Variants in PRUNE2 observed in about 807,000 individuals in gnomAD.
The protein encoded by PRUNE2 is protein prune homolog 2.
Under a neutral mutation model 252.0 loss-of-function variants are expected in PRUNE2, and 164 were observed. That is an observed-to-expected ratio of 0.65 (90% CI 0.57 to 0.74). The LOEUF is 0.74. Ranked by LOEUF, PRUNE2 falls within the 30% of genes least tolerant of loss-of-function variation. The probability of loss-of-function intolerance (pLI) is 0.00; values close to 1 mark genes in which losing one functional copy is unlikely to be tolerated. For synonymous variants in PRUNE2, 1,292 were observed against 1,350.2 expected (o/e 0.96, Z 0.94); for missense variants, 3,495 against 3,711.0 (o/e 0.94, Z 1.51).
At chr9:76,784,964 T>C (rs973425901) in intron 6 of PRUNE2, 1 of 152,204 alleles carries the variant, frequency 6.6e-6, no homozygotes, top group African/African-American at 2.4e-5. Flanking sequence ...GCTATGGGAA[T>C]TTAATTACAT....
At chr9:76,658,810 A>C (rs1030625148) in intron 9 of PRUNE2, among the ~76,000 whole-genome samples, 1 of 152,196 alleles carries the variant, frequency 6.6e-6, no homozygotes, top group Admixed American at 6.5e-5. Flanking sequence ...TCTTTGCTGG[A>C]TGGTACTGTG....
rs2046386883 is a variant in PRUNE2, at chr9:76,707,388, ACTGAGTCATT to A, written c.4876_4885del (p.Asn1626LeufsTer29). The stretch of plus-strand genomic sequence containing the variant: ...TAAAGAGGAAAAGGAATCACCATCA[ACTGAGTCATT>A]CCAGATCTCTAAAAATGTAGGAGTT... On this transcript the variant is annotated frameshift_variant, in exon 8 of 19. Coordinates refer to ENST00000376718, the MANE Select transcript of PRUNE2 (RefSeq NM_015225.3). LOFTEE classifies it high-confidence loss of function. 1 of 1,613,776 alleles carries A rather than the reference ACTGAGTCATT, an allele frequency of 6.2e-7. No homozygotes were observed. Among genetic ancestry groups the A allele is most frequent in the African/African-American group, 1.3e-5 (1 of 74,940 alleles).
intron 6 of PRUNE2, among the ~76,000 whole-genome samples, chr9:76,763,388 A>C (rs1320526988): frequency 6.6e-6 from 1 of 152,188 alleles, no homozygotes; most frequent in Non-Finnish European, 1.5e-5. Flanking sequence ...AAGTGTAGTC[A>C]TCTAAGTGAG....
chr9:76,614,236 CA>C lies in PRUNE2; in HGVS notation c.*333del. On this transcript the variant is annotated 3_prime_UTR_variant, in exon 19 of 19. Coordinates refer to ENST00000376718, the MANE Select transcript of PRUNE2 (RefSeq NM_015225.3). Reference sequence around the variant, plus strand: ...TGGAAACAAATCCACTCATACTTAACAGTGGATTAAAGGTATCTTACTGGTA... The same window carrying C: ...TGGAAACAAATCCACTCATACTTAACGTGGATTAAAGGTATCTTACTGGTA... The C allele has an allele frequency of 3.2e-6, 1 of 314,384 alleles. No individual in the cohort carries two copies. Among genetic ancestry groups the C allele is most frequent in the South Asian group, 4.5e-5 (1 of 22,308 alleles). 19.5% of individuals were successfully genotyped at this position (314,384 alleles called of 1,614,324 possible). A position where few individuals can be genotyped will look rare whatever the true frequency, so the allele number is the denominator to read the frequency against.
In PRUNE2 at chr9:76,709,313, G is replaced by T; in HGVS notation, c.2961C>A (p.His987Gln). 6.2e-7 allele frequency: 1 copy of T among 1,613,984 alleles called. No individual in the cohort carries two copies. Among genetic ancestry groups the T allele is most frequent in the Non-Finnish European group, 8.5e-7 (1 of 1,179,860 alleles). Residue 987 changes from histidine to glutamine, a missense_variant, in exon 8 of 19, where the codon CAC becomes CAA. Physicochemically the swap from His to Gln is conservative, Grantham distance 24 (BLOSUM62 0). Coordinates refer to ENST00000376718, the MANE Select transcript of PRUNE2 (RefSeq NM_015225.3). ...TFAGDEKETE[H>Q]KPFAKEEGFE... The stretch of plus-strand genomic sequence containing the variant: ...AACCTTCCTCTTTAGCAAATGGCTT[G>T]TGTTCAGTTTCCTTTTCGTCTCCAG...
chr9:76,831,665 C>A (rs1256595014), intron 4 of PRUNE2, among the ~76,000 whole-genome samples: 1 of 151,602 alleles, frequency 6.6e-6, no homozygotes, highest in Non-Finnish European at 1.5e-5. Context: ...AAAAGAATAT[C>A]AAAAACACTT....
At chr9:76,858,611 G>A (rs2060384056) in intron 1 of PRUNE2, among the ~76,000 whole-genome samples, 1 of 152,030 alleles carries the variant, frequency 6.6e-6, no homozygotes, top group Admixed American at 6.6e-5. Context: ...CCTGTCAAGG[G>A]GTCGAAAGCA....
chr9:76,818,631 G>C (rs113348966), intron 6 of PRUNE2, among the ~76,000 whole-genome samples: 2,329 of 152,088 alleles, frequency 0.015, 54 homozygotes, highest in African/African-American at 0.051. Context: ...AAACGGCCCT[G>C]AACAATTCCC....
At chr9:76,880,949 A>G (rs2061739673) in intron 1 of PRUNE2, among the ~76,000 whole-genome samples, 1 of 150,412 alleles carries the variant, frequency 6.6e-6, no homozygotes, top group Non-Finnish European at 1.5e-5. Context: ...GCTCTGGGAC[A>G]TCCTTGTTAA....
At chr9:76,896,646 C>A (rs979915770) in intron 1 of PRUNE2, among the ~76,000 whole-genome samples, 12 of 152,090 alleles carry the variant, frequency 7.9e-5, no homozygotes, top group African/African-American at 2.9e-4. Context: ...CTGTGTGTAT[C>A]GTGAGCATAA....
chr9:76,842,161 A>G (rs1218819862), intron 4 of PRUNE2, among the ~76,000 whole-genome samples: 2 of 152,204 alleles, frequency 1.3e-5, no homozygotes, highest in Non-Finnish European at 2.9e-5. Context: ...AATGGAACAG[A>G]ACAGAGCCCT....
intron 6 of PRUNE2, among the ~76,000 whole-genome samples, chr9:76,802,007 A>G (rs946236377): frequency 2.6e-5 from 4 of 152,212 alleles, no homozygotes; most frequent in Non-Finnish European, 4.4e-5. Context: ...TGGGGTAAAT[A>G]CACCCACAGG....
intron 6 of PRUNE2, among the ~76,000 whole-genome samples, chr9:76,714,005 T>A (rs1471356537): frequency 6.6e-6 from 1 of 152,104 alleles, no homozygotes; most frequent in Non-Finnish European, 1.5e-5. Flanking sequence ...CTAAAATATT[T>A]ATTCAGATGC....
chr9:76,711,414 T>C (rs1174735592), intron 7 of PRUNE2, 56 bp from the exon 8 acceptor site: 4 of 1,094,950 alleles, frequency 3.7e-6, no homozygotes, highest in Non-Finnish European at 5.2e-6. Flanking sequence ...CACTTTGCAA[T>C]TGCACTTTGC....
Position 76,705,221 on chromosome 9 carries a change from A to G in PRUNE2, c.7053T>C (p.Asp2351=). 7 of 1,613,970 alleles carry G rather than the reference A, an allele frequency of 4.3e-6. No homozygotes were observed. The highest frequency in any genetic ancestry group is 3.3e-4 in the Middle Eastern group (2 of 6,062). The change falls in exon 8 of 19, where the codon GAT becomes GAC. Residue 2351 remains aspartate, a synonymous_variant. Transcript: ENST00000376718. ...TCTGGCCCATTACATCATATTCAAA[A>G]TCACCCCACGAGGCTTCAGATGAGC... ...DICSSEASWG[D]FEYDVMGQNI...
chr9:76,808,553 C>T (rs1364276917), intron 6 of PRUNE2: 1 of 152,318 alleles, frequency 6.6e-6, no homozygotes, highest in Non-Finnish European at 1.5e-5. Flanking sequence ...GATACTCAAA[C>T]ATTATTCTTG....
intron 6 of PRUNE2, chr9:76,823,429 G>C (rs2058149390): frequency 3.8e-6 from 2 of 522,382 alleles, no homozygotes; most frequent in Non-Finnish European, 6.9e-6. Context: ...CATTCATCTT[G>C]AGAATCCAGG....
intron 15 of PRUNE2, among the ~76,000 whole-genome samples, chr9:76,634,123 C>T (rs1354009927): frequency 6.6e-6 from 1 of 151,990 alleles, no homozygotes; most frequent in African/African-American, 2.4e-5. Context: ...AAACAAAAAA[C>T]AAACAAAAAA....
intron 1 of PRUNE2, among the ~76,000 whole-genome samples, chr9:76,884,214 C>T (rs1375192634): frequency 6.6e-6 from 1 of 152,142 alleles, no homozygotes; most frequent in African/African-American, 2.4e-5. Flanking sequence ...CTGTTCCATC[C>T]CTGGTTTCAC....
Sources: allele counts gnomAD v4.1 joint callset (sites outside exome capture counted in the v4.1 genomes callset), GRCh38; gene constraint gnomAD v4.1.1; transcripts MANE v1.5; gene names NCBI Gene and HGNC (gene_info 2026-07-23, HGNC 2026-07-21).